The following MACROD1 variants were observed in gnomAD, a reference collection of about 807,000 sequenced individuals.
MACROD1 encodes ADP-ribose glycohydrolase MACROD1.
In MACROD1, 31 loss-of-function variants were observed where a neutral mutation model predicts 41.4. The ratio of observed to expected loss-of-function variants is 0.75; its 90% CI spans 0.56 to 1.01. MACROD1 has a LOEUF of 1.01. MACROD1 is among the 50% of genes least tolerant of loss of function. The probability of loss-of-function intolerance (pLI) is 0.00; values close to 1 mark genes in which losing one functional copy is unlikely to be tolerated. For missense variants in MACROD1, 473 were observed against 460.0 expected, an observed-to-expected ratio of 1.03 and a Z score of -0.26; for synonymous variants, 252 against 203.4, an observed-to-expected ratio of 1.24 and a Z score of -2.03.
At chr11:64,089,075 C>T (rs1342764995) in intron 3 of MACROD1, among the ~76,000 whole-genome samples, 1 of 152,208 alleles carries the variant, frequency 6.6e-6, no homozygotes, top group African/African-American at 2.4e-5. Flanking sequence ...TCCTCCCTCC[C>T]TCCGGCCTGC....
intron 3 of MACROD1, among the ~76,000 whole-genome samples, chr11:64,134,563 C>G (rs1334396900): frequency 6.6e-6 from 1 of 152,128 alleles, no homozygotes. Context: ...TGGCATGAAG[C>G]AAGTATTTCC....
chr11:64,072,613 C>T (rs1162882162), intron 3 of MACROD1, among the ~76,000 whole-genome samples: 1 of 152,230 alleles, frequency 6.6e-6, no homozygotes, highest in Non-Finnish European at 1.5e-5. Context: ...TCTCCACAAA[C>T]ATCAGATGGG....
chr11:64,022,506 C>T lies in MACROD1; in HGVS notation c.518-7225G>A, dbSNP rs117509402. Among the ~76,000 whole-genome samples the T allele has an allele frequency of 3.1e-3, 465 of 152,314 alleles. 1 individual carries two copies. Among genetic ancestry groups the T allele is most frequent in the Middle Eastern group, 0.01 (3 of 294 alleles). ...GGGAGCGGAGTTTGTTCTTGGAAAT[C>T]GATGCCCCACTTCCTGCAGGCCAGC... On this transcript the variant is annotated intron_variant, in intron 3 of 10. Coordinates refer to ENST00000255681, the MANE Select transcript of MACROD1 (RefSeq NM_014067.4).
chr11:64,000,426 C>T, intron 4 of MACROD1, 83 bp from the exon 5 acceptor site: 3 of 924,248 alleles, frequency 3.2e-6, no homozygotes, highest in South Asian at 2.0e-5. Flanking sequence ...AGAAGCCCCT[C>T]GGCGATGCGA....
intron 1 of MACROD1, among the ~76,000 whole-genome samples, chr11:64,157,092 GTTTT>G (rs565101564): frequency 6.7e-6 from 1 of 149,944 alleles, no homozygotes; most frequent in Non-Finnish European, 1.5e-5. Context: ...GCATTTCTGT[GTTTT>G]TTTTTTATTT....
At chr11:64,130,089 A>ACCCCACACCACTGCTGCAG in intron 3 of MACROD1, among the ~76,000 whole-genome samples, 2 of 151,584 alleles carry the variant, frequency 1.3e-5, no homozygotes, top group South Asian at 4.2e-4. Context: ...CGAGAAACCT[A>ACCCCACACCACTGCTGCAG]CCCCACACCA....
At chr11:64,147,348 A>T (rs1243820231) in intron 3 of MACROD1, among the ~76,000 whole-genome samples, 2 of 149,848 alleles carry the variant, frequency 1.3e-5, no homozygotes, top group African/African-American at 4.9e-5. Context: ...CTGGGATTAC[A>T]AGAGTGAGCC....
chr11:64,089,571 G>A (rs1202942671), intron 3 of MACROD1, among the ~76,000 whole-genome samples: 1 of 152,190 alleles, frequency 6.6e-6, no homozygotes. Context: ...CGGCAGCCAC[G>A]GACCAGAGAA....
chr11:64,162,158 A>G (rs889363286), intron 1 of MACROD1, among the ~76,000 whole-genome samples: 1 of 152,216 alleles, frequency 6.6e-6, no homozygotes, highest in African/African-American at 2.4e-5. Context: ...CCTGGGCAAC[A>G]TGTCAAAATT....
chr11:64,128,631 C>G (rs143201729), intron 3 of MACROD1, among the ~76,000 whole-genome samples: 1,564 of 151,828 alleles, frequency 0.01, 19 homozygotes, highest in South Asian at 0.026. Flanking sequence ...CCCGTTGCCC[C>G]CCTCAGACTC....
intron 3 of MACROD1, among the ~76,000 whole-genome samples, chr11:64,132,524 A>T (rs1945279927): frequency 1.3e-5 from 2 of 152,098 alleles, no homozygotes; most frequent in Non-Finnish European, 2.9e-5. Context: ...GTTGCCAGGG[A>T]CGGGCGGGTC....
intron 3 of MACROD1, among the ~76,000 whole-genome samples, chr11:64,084,500 G>A (rs1318969395): frequency 6.6e-6 from 1 of 152,246 alleles, no homozygotes; most frequent in Non-Finnish European, 1.5e-5. Context: ...GTGAGCCTTG[G>A]GGTCACGGGG....
At chr11:64,063,225 C>G (rs546533774) in intron 3 of MACROD1, among the ~76,000 whole-genome samples, 1 of 152,230 alleles carries the variant, frequency 6.6e-6, no homozygotes, top group Non-Finnish European at 1.5e-5. Context: ...CTTACCCTCT[C>G]TGTGCCTCAG....
At chr11:64,054,533 G>T (rs1172579267) in intron 3 of MACROD1, among the ~76,000 whole-genome samples, 1 of 152,092 alleles carries the variant, frequency 6.6e-6, no homozygotes, top group East Asian at 1.9e-4. Context: ...GCTCAGAGGT[G>T]CCTGATGGGG....
intron 3 of MACROD1, among the ~76,000 whole-genome samples, chr11:64,045,401 T>C (rs1309101661): frequency 1.3e-5 from 2 of 152,236 alleles, no homozygotes; most frequent in Non-Finnish European, 2.9e-5. Flanking sequence ...GATAATTTAT[T>C]TGTGGAAGGG....
intron 3 of MACROD1, among the ~76,000 whole-genome samples, chr11:64,078,787 G>C (rs928848582): frequency 7.2e-5 from 11 of 152,210 alleles, no homozygotes; most frequent in Admixed American, 1.3e-4. Context: ...GTGACTGCAG[G>C]GGGGGAGGCC....
chr11:64,115,743 C>T (rs56207008), intron 3 of MACROD1, among the ~76,000 whole-genome samples: 16,840 of 152,200 alleles, frequency 0.11, 1,169 homozygotes, highest in Non-Finnish European at 0.16. Context: ...GACAGCAATG[C>T]GTGCTCCTCG....
At chr11:64,030,326 A>G (rs1943278063) in intron 3 of MACROD1, among the ~76,000 whole-genome samples, 1 of 152,202 alleles carries the variant, frequency 6.6e-6, no homozygotes, top group South Asian at 2.1e-4. Context: ...GTTGCCTTGA[A>G]GGGCTCTGTC....
chr11:64,119,863 G>A (rs926442657), intron 3 of MACROD1, among the ~76,000 whole-genome samples: 11 of 152,168 alleles, frequency 7.2e-5, no homozygotes, highest in Admixed American at 6.5e-4. Context: ...TAATGACAGC[G>A]AATTGGAGAG....
Sources: gnomAD v4.1 joint callset for allele counts (sites outside exome capture counted in the v4.1 genomes callset) on GRCh38, gnomAD v4.1.1 for gene constraint, MANE v1.5 for transcripts, NCBI Gene and HGNC (gene_info 2026-07-23, HGNC 2026-07-21) for gene names.